DYM: variants seen among roughly 807,000 people sequenced by gnomAD.
The protein encoded by DYM is dyggve-Melchior-Clausen syndrome protein.
In DYM, 78 loss-of-function variants were observed where a neutral mutation model predicts 93.1. The ratio of observed to expected loss-of-function variants is 0.84; its 90% CI spans 0.70 to 1.01. The LOEUF (loss-of-function observed/expected upper bound fraction) is 1.01. Among genes scored for constraint, DYM ranks in the 50% least tolerant of loss-of-function variants. The pLI is 0.00. For synonymous variants in DYM, 321 were observed against 319.7 expected, an observed-to-expected ratio of 1.00 and a Z score of -0.04; for missense variants, 789 against 845.0, an observed-to-expected ratio of 0.93 and a Z score of 0.82.
intron 11 of DYM, among the ~76,000 whole-genome samples, chr18:49,268,467 T>C (rs1055299479): frequency 1.3e-5 from 2 of 152,214 alleles, no homozygotes; most frequent in Non-Finnish European, 2.9e-5. Context: ...GAAGTTTAAT[T>C]TTAATGCAAA....
At chr18:49,257,533 G>A (rs1007918593) in intron 12 of DYM, among the ~76,000 whole-genome samples, 26 of 152,062 alleles carry the variant, frequency 1.7e-4, no homozygotes, top group African/African-American at 5.6e-4. Context: ...ATAGCCCCAC[G>A]GAGGAAAATA....
intron 3 of DYM, among the ~76,000 whole-genome samples, chr18:49,383,668 G>T (rs1048398169): frequency 6.6e-6 from 1 of 152,120 alleles, no homozygotes; most frequent in African/African-American, 2.4e-5. Context: ...TTATTTTTCT[G>T]AACAGCCAAC....
intron 16 of DYM, chr18:49,114,720 A>C (rs753983862): frequency 1.4e-4 from 38 of 275,340 alleles, no homozygotes; most frequent in Non-Finnish European, 2.0e-4. Flanking sequence ...TTCTGGGCTC[A>C]AGAGATTCTC....
rs2071043204 is a variant in DYM, at chr18:49,043,006, T to C, written c.*1049A>G. 1 of 152,250 alleles carries C rather than the reference T, an allele frequency of 6.6e-6. No homozygotes were observed. The highest frequency in any genetic ancestry group is 2.1e-4 in the South Asian group (1 of 4,838). 9.4% of individuals were successfully genotyped at this position (152,250 alleles called of 1,614,324 possible). Reference sequence around the variant, plus strand: ...AGCTTTTCTTTTTCCCAATGATTAATACAGAGTAGATTAACTTAATTTGTG... The same window carrying C: ...AGCTTTTCTTTTTCCCAATGATTAACACAGAGTAGATTAACTTAATTTGTG... On this transcript the variant is annotated 3_prime_UTR_variant, in exon 18 of 18. Transcript: ENST00000675505.
At chr18:49,371,729 G>C (rs956806431) in intron 5 of DYM, among the ~76,000 whole-genome samples, 7 of 152,204 alleles carry the variant, frequency 4.6e-5, no homozygotes, top group Admixed American at 4.6e-4. Flanking sequence ...GTTTTGCCTA[G>C]GGCTGGCTTT....
chr18:49,421,977 C>A (rs1394677341), intron 2 of DYM, among the ~76,000 whole-genome samples: 1 of 152,150 alleles, frequency 6.6e-6, no homozygotes, highest in East Asian at 1.9e-4. Context: ...AAGAAATGAA[C>A]AAAGCCTCCA....
intron 17 of DYM, among the ~76,000 whole-genome samples, chr18:49,075,475 A>G (rs1470206496): frequency 6.6e-6 from 1 of 152,216 alleles, no homozygotes; most frequent in Non-Finnish European, 1.5e-5. Flanking sequence ...AATTAAAGTG[A>G]GCCAATATGT....
intron 17 of DYM, chr18:49,049,551 C>A (rs1310746233): frequency 6.6e-6 from 1 of 152,220 alleles, no homozygotes; most frequent in Non-Finnish European, 1.5e-5. Flanking sequence ...CAGAGTTGTA[C>A]TGACAATCGG....
intron 16 of DYM, among the ~76,000 whole-genome samples, chr18:49,105,977 C>T (rs778141695): frequency 1.3e-5 from 2 of 152,124 alleles, no homozygotes; most frequent in African/African-American, 2.4e-5. Flanking sequence ...AACTTTCTGT[C>T]TTGTTGATCT....
intron 8 of DYM, among the ~76,000 whole-genome samples, chr18:49,295,500 AC>A (rs1260145184): frequency 5.9e-5 from 9 of 152,168 alleles, no homozygotes; most frequent in Admixed American, 4.6e-4. Context: ...ATTGGCTAGA[AC>A]CCAGGCATAG....
At chr18:49,194,842 A>T (rs995448104) in intron 14 of DYM, among the ~76,000 whole-genome samples, 17 of 152,216 alleles carry the variant, frequency 1.1e-4, no homozygotes, top group African/African-American at 4.1e-4. Context: ...TTTTTAATAT[A>T]CACAAATATG....
intron 16 of DYM, among the ~76,000 whole-genome samples, chr18:49,100,052 T>G (rs1190762648): frequency 6.6e-6 from 1 of 152,204 alleles, no homozygotes; most frequent in African/African-American, 2.4e-5. Context: ...GGTGAGCGCA[T>G]GTATGCCAAG....
At chr18:49,139,465 G>A (rs8090871) in intron 15 of DYM, among the ~76,000 whole-genome samples, 151,495 of 152,294 alleles carry the variant, frequency 0.99, 75,361 homozygotes, top group Middle Eastern at 1. Flanking sequence ...TTACTGATAT[G>A]CTAAACTGTG....
intron 15 of DYM, among the ~76,000 whole-genome samples, chr18:49,120,206 A>G (rs999496138): frequency 2.6e-5 from 4 of 152,156 alleles, no homozygotes; most frequent in African/African-American, 9.6e-5. Context: ...AAGGGAAACC[A>G]ACTAAAAACA....
At chr18:49,202,600 C>G (rs1308133038) in intron 14 of DYM, among the ~76,000 whole-genome samples, 1 of 125,570 alleles carries the variant, frequency 8.0e-6, no homozygotes, top group African/African-American at 3.1e-5. Flanking sequence ...GCGTCTCTGC[C>G]CGGCCGCCCA....
chr18:49,177,085 A>T (rs1247147785), intron 14 of DYM, among the ~76,000 whole-genome samples: 1 of 152,156 alleles, frequency 6.6e-6, no homozygotes, highest in East Asian at 1.9e-4. Context: ...CCAGTTTTTT[A>T]AAAATCCTAT....
rs560558223 is a variant in DYM, at chr18:49,071,209, G to A, written c.2025+26193C>T. 7.3e-4 allele frequency among the ~76,000 whole-genome samples: 111 copies of A among 152,302 alleles called. No homozygotes were observed. The South Asian group carries it at 0.016, about 22-fold the overall frequency. On this transcript the variant is annotated intron_variant, in intron 17 of 17. Transcript: ENST00000675505. ...AGACTGATATTTATTTAATGGCAGA[G>A]GCTGCTAGAAACAAGAACTAGGCAC...
intron 15 of DYM, among the ~76,000 whole-genome samples, chr18:49,129,794 T>C (rs2083212715): frequency 6.6e-6 from 1 of 152,042 alleles, no homozygotes; most frequent in African/African-American, 2.4e-5. Flanking sequence ...GACTCTTCTC[T>C]CATGCTAAGA....
chr18:49,305,216 T>A (rs2061203099), intron 8 of DYM, among the ~76,000 whole-genome samples: 1 of 152,140 alleles, frequency 6.6e-6, no homozygotes, highest in Non-Finnish European at 1.5e-5. Flanking sequence ...TCCTCCATAT[T>A]TGCCTGGCAA....
Sources: gnomAD v4.1 joint callset for allele counts (sites outside exome capture counted in the v4.1 genomes callset) on GRCh38, gnomAD v4.1.1 for gene constraint, MANE v1.5 for transcripts, NCBI Gene and HGNC (gene_info 2026-07-23, HGNC 2026-07-21) for gene names.